The following HAS2 variants were observed in gnomAD, a reference collection of about 807,000 sequenced individuals.
The protein encoded by HAS2 is hyaluronan synthase 2, also known as HA synthase 2.
In HAS2, 16 loss-of-function variants were observed where a neutral mutation model predicts 51.6. The observed-to-expected ratio is 0.31, with a 90% confidence interval of 0.21 to 0.47. The LOEUF (loss-of-function observed/expected upper bound fraction) is 0.47, where lower values mean the gene tolerates loss of function less well. Among genes scored for constraint, HAS2 ranks in the 20% least tolerant of loss-of-function variants. HAS2 has a pLI of 1.00. For synonymous variants in HAS2, 228 were observed against 235.5 expected, an observed-to-expected ratio of 0.97 and a Z score of 0.29; for missense variants, 361 against 662.6, an observed-to-expected ratio of 0.54 and a Z score of 5.00.
At chr8:121,636,780 C>G (rs1813015372) in intron 1 of HAS2, among the ~76,000 whole-genome samples, 1 of 152,160 alleles carries the variant, frequency 6.6e-6, no homozygotes, top group Non-Finnish European at 1.5e-5. Flanking sequence ...CAAAACCCTA[C>G]CTACAGAGCC....
chr8:121,612,643 T>C lies in HAS2; in HGVS notation c.*1466A>G, dbSNP rs1196116215. The C allele has an allele frequency of 1.3e-5, 2 of 152,192 alleles. No individual in the cohort carries two copies. The highest frequency in any genetic ancestry group is 2.9e-5 in the Non-Finnish European group (2 of 68,032). The allele number at this position is 152,192 out of a possible 1,614,324, so 9.4% of individuals were successfully genotyped here. A position where few individuals can be genotyped will look rare whatever the true frequency, so the allele number is the denominator to read the frequency against. On this transcript the variant is annotated 3_prime_UTR_variant, in exon 4 of 4. Transcript: ENST00000303924. ...AAATAAAACTGGATAATGGAGGCCT[T>C]GCAGTAACTAAATTAGCCAAGTTCA...
chr8:121,620,519 C>T (rs11996503), intron 2 of HAS2, among the ~76,000 whole-genome samples: 16,906 of 152,142 alleles, frequency 0.11, 1,408 homozygotes, highest in African/African-American at 0.23. Context: ...AGTGTATCAG[C>T]GTAATTCGTT....
chr8:121,614,642 TC>T lies in HAS2; in HGVS notation c.1125del (p.Trp375Ter). ...NAMWFHKHHL[W>X]MTYEAIITGF... The stretch of plus-strand genomic sequence containing the variant: ...CCAGTGATAATCGCTTCGTAGGTCA[TC>T]CACAAGTGATGTTTGTGAAACCACA... On this transcript the variant is annotated frameshift_variant, in exon 4 of 4. Coordinates refer to ENST00000303924, the MANE Select transcript of HAS2 (RefSeq NM_005328.3). LOFTEE classifies it high-confidence loss of function. This position sits in a 1 kb window ranked among gnomAD's most constrained non-coding sequence, Gnocchi z 7.2. 6.2e-7 allele frequency: 1 copy of T among 1,614,158 alleles called. No individual in the cohort carries two copies. The highest frequency in any genetic ancestry group is 8.5e-7 in the Non-Finnish European group (1 of 1,179,980).
intron 1 of HAS2, among the ~76,000 whole-genome samples, chr8:121,629,879 A>G (rs774708679): frequency 3.9e-5 from 6 of 152,212 alleles, no homozygotes; most frequent in Admixed American, 2.0e-4. Flanking sequence ...ATTGGAGATC[A>G]GGATACTGGG....
At chr8:121,634,749 CTT>C (rs77932541) in intron 1 of HAS2, among the ~76,000 whole-genome samples, 10 of 143,068 alleles carry the variant, frequency 7.0e-5, no homozygotes, top group African/African-American at 1.3e-4. Context: ...CTCAAACAGT[CTT>C]TTTTTTTTTT....
intron 2 of HAS2, among the ~76,000 whole-genome samples, chr8:121,620,708 C>T (rs1812763472): frequency 1.3e-5 from 2 of 152,140 alleles, no homozygotes; most frequent in African/African-American, 2.4e-5. Context: ...CTTCCTGCCT[C>T]ACTACTCCAG....
intron 2 of HAS2, among the ~76,000 whole-genome samples, chr8:121,622,017 AACCCTTCATCTTAACCTTC>A (rs1366348258): frequency 6.6e-6 from 1 of 152,080 alleles, no homozygotes; most frequent in African/African-American, 2.4e-5. Flanking sequence ...TGTAAGGCTT[AACCCTTCATCTTAACCTTC>A]ACCCTTCATC....
chr8:121,633,136 CTT>C (rs71816016), intron 1 of HAS2, among the ~76,000 whole-genome samples: 12 of 128,020 alleles, frequency 9.4e-5, no homozygotes, highest in Non-Finnish European at 9.8e-5. Flanking sequence ...GTTTCCCTAC[CTT>C]TTTTTTTTTT....
At chr8:121,638,827 A>G (rs1217250804) in intron 1 of HAS2, among the ~76,000 whole-genome samples, 2 of 152,192 alleles carry the variant, frequency 1.3e-5, no homozygotes, top group Non-Finnish European at 2.9e-5. Flanking sequence ...ACTTGCACAC[A>G]TTGGAAGGAA....
intron 2 of HAS2, among the ~76,000 whole-genome samples, chr8:121,625,996 C>T (rs1223614665): frequency 2.0e-5 from 3 of 151,964 alleles, no homozygotes; most frequent in Admixed American, 1.3e-4. Flanking sequence ...GCTACAGGGC[C>T]GAGAGAGCAG....
At chr8:121,630,018 A>G (rs541378591) in intron 1 of HAS2, among the ~76,000 whole-genome samples, 239 of 152,244 alleles carry the variant, frequency 1.6e-3, no homozygotes, top group Non-Finnish European at 2.7e-3. Flanking sequence ...TGAAGTCCTC[A>G]CTGACACTAA....
intron 1 of HAS2, among the ~76,000 whole-genome samples, chr8:121,634,373 C>T (rs1432725212): frequency 6.6e-6 from 1 of 151,930 alleles, no homozygotes; most frequent in Non-Finnish European, 1.5e-5. Flanking sequence ...TTCTGGGAGG[C>T]CTTAGCTTAT....
intron 1 of HAS2, among the ~76,000 whole-genome samples, chr8:121,630,756 T>C (rs1252147350): frequency 2.0e-5 from 3 of 152,232 alleles, no homozygotes; most frequent in Non-Finnish European, 4.4e-5. Context: ...ATTTATAATT[T>C]CGTAATCCAC....
At chr8:121,619,539 G>GA (rs200536183) in intron 2 of HAS2, among the ~76,000 whole-genome samples, 8 of 149,500 alleles carry the variant, frequency 5.4e-5, no homozygotes, top group South Asian at 2.1e-4. Flanking sequence ...CTTATTTTAA[G>GA]AAAAAAAAAA....
Position 121,629,124 on chromosome 8 carries a change from T to C in HAS2, c.217A>G (p.Lys73Glu), listed in dbSNP as rs575943749. Residue 73 changes from lysine to glutamate, a missense_variant, in exon 2 of 4, where the codon AAA becomes GAA. Coordinates refer to ENST00000303924, the MANE Select transcript of HAS2 (RefSeq NM_005328.3). ...FAFLEHRKMK[K>E]SLETPIKLNK... ...AACTTTATGGGGGTTTCTAGGGATT[T>C]TTTCATTTTTCGGTGCTCCAAAAAG... 6.8e-6 allele frequency: 11 copies of C among 1,614,084 alleles called. No homozygotes were observed. Among genetic ancestry groups the C allele is most frequent in the Non-Finnish European group, 8.5e-6 (10 of 1,179,986 alleles).
chr8:121,615,697 G>C (rs185277891), intron 3 of HAS2, among the ~76,000 whole-genome samples: 1 of 151,824 alleles, frequency 6.6e-6, no homozygotes, highest in Non-Finnish European at 1.5e-5. Context: ...TTCATAACAC[G>C]TAAGATTTGA....
At chr8:121,623,531 A>G (rs62524933) in intron 2 of HAS2, among the ~76,000 whole-genome samples, 7,152 of 152,278 alleles carry the variant, frequency 0.047, 223 homozygotes, top group Non-Finnish European at 0.067. Flanking sequence ...GACACACGAT[A>G]GTAACCAACA....
At chr8:121,616,124 A>C (rs1161583606) in intron 3 of HAS2, among the ~76,000 whole-genome samples, 1 of 152,192 alleles carries the variant, frequency 6.6e-6, no homozygotes, top group Non-Finnish European at 1.5e-5. Context: ...ATTTATTTGC[A>C]AGGGAATCTT....
chr8:121,628,173 T>C (rs1394552910), intron 2 of HAS2, among the ~76,000 whole-genome samples: 1 of 152,196 alleles, frequency 6.6e-6, no homozygotes, highest in Non-Finnish European at 1.5e-5. Flanking sequence ...TTTTTTCTCA[T>C]TTTTTGTTTT....
Sources: allele counts gnomAD v4.1 joint callset (sites outside exome capture counted in the v4.1 genomes callset), GRCh38; gene constraint gnomAD v4.1.1; non-coding constraint Gnocchi (gnomAD v3.1); transcripts MANE v1.5; gene names NCBI Gene and HGNC (gene_info 2026-07-23, HGNC 2026-07-21).